YWHAE: variants seen among roughly 807,000 people sequenced by gnomAD.
The protein encoded by YWHAE is 14-3-3 protein epsilon.
In YWHAE, 4 loss-of-function variants were observed where a neutral mutation model predicts 30.1. That is an observed-to-expected ratio of 0.13 (90% CI 0.07 to 0.30). The LOEUF (loss-of-function observed/expected upper bound fraction) is 0.30. Among genes scored for constraint, YWHAE ranks in the 10% least tolerant of loss-of-function variants. The pLI is 1.00. For missense variants in YWHAE, 121 were observed against 315.9 expected (o/e 0.38, Z 4.68); for synonymous variants, 118 against 111.8 (o/e 1.06, Z -0.35).
At chr17:1,348,763 C>T (rs1412902180) in intron 5 of YWHAE, among the ~76,000 whole-genome samples, 1 of 152,216 alleles carries the variant, frequency 6.6e-6, no homozygotes, top group Non-Finnish European at 1.5e-5. Context: ...GTGGCTCACG[C>T]CTGTAATCCC....
chr17:1,354,015 G>C (rs1332432885), intron 5 of YWHAE, among the ~76,000 whole-genome samples, 196 bp downstream of exon 5: 1 of 152,150 alleles, frequency 6.6e-6, no homozygotes, highest in African/African-American at 2.4e-5. Flanking sequence ...TAAAGGAAGA[G>C]CTAAACTAAG....
At chr17:1,392,004 C>T (rs1246348589) in intron 1 of YWHAE, among the ~76,000 whole-genome samples, 4 of 151,868 alleles carry the variant, frequency 2.6e-5, no homozygotes, top group Non-Finnish European at 5.9e-5. Flanking sequence ...ATCTTGAGCT[C>T]GAGTTCAAGA....
Position 1,345,189 on chromosome 17 carries a change from C to A in YWHAE, c.*258G>T. The A allele has an allele frequency of 2.0e-6, 1 of 508,156 alleles. No homozygotes were observed. The highest frequency in any genetic ancestry group is 3.5e-6 in the Non-Finnish European group (1 of 287,326). 31.5% of individuals were successfully genotyped at this position (508,156 alleles called of 1,614,324 possible). A position where few individuals can be genotyped will look rare whatever the true frequency, so the allele number is the denominator to read the frequency against. On this transcript the variant is annotated 3_prime_UTR_variant, in exon 6 of 6. Coordinates refer to ENST00000264335, the MANE Select transcript of YWHAE (RefSeq NM_006761.5). The stretch of plus-strand genomic sequence containing the variant: ...AGACGACACAGTAATGCTGAAAAAG[C>A]CTCTATGTAGTCCTGTTAGTGTCTT...
Position 1,345,518 on chromosome 17 carries a change from A to G in YWHAE, c.716-19T>C, listed in dbSNP as rs1337012191. 5.0e-6 allele frequency: 8 copies of G among 1,612,950 alleles called. No homozygotes were observed. The highest frequency in any genetic ancestry group is 5.9e-6 in the Non-Finnish European group (7 of 1,179,780). On this transcript the variant is annotated intron_variant, in intron 5 of 5. Coordinates refer to ENST00000264335, the MANE Select transcript of YWHAE (RefSeq NM_006761.5). The stretch of plus-strand genomic sequence containing the variant: ...TCTTCACCTGTTAAAAAAGAAAAAA[A>G]GTCAATTATTTCGTATTGACTACAT...
intron 1 of YWHAE, among the ~76,000 whole-genome samples, chr17:1,381,123 G>A (rs972988733): frequency 2.8e-4 from 42 of 152,114 alleles, no homozygotes; most frequent in African/African-American, 8.9e-4. Context: ...AGTGGCTCAC[G>A]TCTGTAATCC....
chr17:1,351,473 G>A (rs571707186), intron 5 of YWHAE, among the ~76,000 whole-genome samples: 15 of 151,712 alleles, frequency 9.9e-5, no homozygotes, highest in Non-Finnish European at 1.9e-4. Context: ...TGTCCCCAGA[G>A]GTGAGAGGTG....
At chr17:1,386,559 G>C (rs1276610626) in intron 1 of YWHAE, among the ~76,000 whole-genome samples, 1 of 152,170 alleles carries the variant, frequency 6.6e-6, no homozygotes, top group Non-Finnish European at 1.5e-5. Flanking sequence ...TTAATACTTT[G>C]ATTAAGGCTT....
chr17:1,397,348 T>C (rs1360937673), intron 1 of YWHAE, among the ~76,000 whole-genome samples: 2 of 152,218 alleles, frequency 1.3e-5, no homozygotes, highest in Non-Finnish European at 2.9e-5. Context: ...GATGAGATGC[T>C]AGATTTAATC....
At chr17:1,351,188 GTC>G (rs1489294157) in intron 5 of YWHAE, among the ~76,000 whole-genome samples, 1 of 151,920 alleles carries the variant, frequency 6.6e-6, no homozygotes, top group Non-Finnish European at 1.5e-5. Flanking sequence ...GTGGAACCCC[GTC>G]TCTATTAAAA....
At chr17:1,386,629 TACAGA>T (rs1207075134) in intron 1 of YWHAE, among the ~76,000 whole-genome samples, 1 of 152,192 alleles carries the variant, frequency 6.6e-6, no homozygotes. Flanking sequence ...TACCAGCCTA[TACAGA>T]GGTACCTCTC....
At chr17:1,388,478 A>C (rs904052637) in intron 1 of YWHAE, among the ~76,000 whole-genome samples, 9 of 150,936 alleles carry the variant, frequency 6.0e-5, no homozygotes, top group African/African-American at 2.2e-4. Context: ...ATGCAAGTGG[A>C]GCGCCACTGC....
At chr17:1,367,590 A>C (rs1355648536) in intron 1 of YWHAE, among the ~76,000 whole-genome samples, 1 of 152,270 alleles carries the variant, frequency 6.6e-6, no homozygotes, top group East Asian at 1.9e-4. Context: ...CAAAAACCAC[A>C]ATTACTTTGT....
At position 1,400,132 on chromosome 17, in the gene YWHAE, G is replaced by T. The variant is rs752199076; in HGVS notation, c.-22C>A. ...CCATAGCGGCAGCGGCTCCGGCAGG[G>T]TCTGCGCGACGGATGGAAGCGGATA... is the stretch of plus-strand genomic sequence containing the variant. On this transcript the variant is annotated 5_prime_UTR_variant, in exon 1 of 6. Transcript: ENST00000264335. The T allele has an allele frequency of 1.9e-6, 3 of 1,613,990 alleles. No individual in the cohort carries two copies. The highest frequency in any genetic ancestry group is 1.7e-5 in the Admixed American group (1 of 60,024).
At chr17:1,361,526 A>T (rs2072865112) in intron 3 of YWHAE, 2 of 462,814 alleles carry the variant, frequency 4.3e-6, no homozygotes, top group Admixed American at 3.9e-5. Context: ...CCAGGAAATT[A>T]ACTGAGGAGC....
At chr17:1,375,791 CAA>C (rs1463952664) in intron 1 of YWHAE, among the ~76,000 whole-genome samples, 1 of 152,210 alleles carries the variant, frequency 6.6e-6, no homozygotes, top group Non-Finnish European at 1.5e-5. Flanking sequence ...AGTAGAGTCA[CAA>C]GTTTTTCCCC....
chr17:1,373,202 C>A (rs1005173414), intron 1 of YWHAE, among the ~76,000 whole-genome samples: 2 of 151,556 alleles, frequency 1.3e-5, no homozygotes, highest in African/African-American at 2.4e-5. Flanking sequence ...AAGATGGCGC[C>A]CTTACACTCC....
chr17:1,353,561 A>G (rs1482055902), intron 5 of YWHAE, among the ~76,000 whole-genome samples: 1 of 152,110 alleles, frequency 6.6e-6, no homozygotes, highest in East Asian at 1.9e-4. Context: ...TCAGGAGTTC[A>G]AGACCAGCCT....
Position 1,361,348 on chromosome 17 carries a change from G to T in YWHAE, c.372-50C>A, listed in dbSNP as rs763188064. 2.1e-6 allele frequency: 3 copies of T among 1,445,178 alleles called. No homozygotes were observed. The highest frequency in any genetic ancestry group is 2.8e-6 in the Non-Finnish European group (3 of 1,063,758). The allele number at this position is 1,445,178 out of a possible 1,614,324, so 89.5% of individuals were successfully genotyped here. ...AAAAAAAAAAATTTAAACTAGGAAC[G>T]ATTTTTAAAGGAAAATAAGCTAAAA... is the stretch of plus-strand genomic sequence containing the variant. On this transcript the variant is annotated intron_variant, in intron 3 of 5. Coordinates refer to ENST00000264335, the MANE Select transcript of YWHAE (RefSeq NM_006761.5).
chr17:1,397,250 T>G (rs1390545895), intron 1 of YWHAE, among the ~76,000 whole-genome samples: 2 of 152,154 alleles, frequency 1.3e-5, no homozygotes, highest in Admixed American at 6.6e-5. Flanking sequence ...TAAGAGCTGT[T>G]TGAGAAATGC....
Sources: gnomAD v4.1 joint callset for allele counts (sites outside exome capture counted in the v4.1 genomes callset) on GRCh38, gnomAD v4.1.1 for gene constraint, MANE v1.5 for transcripts, NCBI Gene and HGNC (gene_info 2026-07-23, HGNC 2026-07-21) for gene names.